LMNA: variants seen among roughly 807,000 people sequenced by gnomAD.
LMNA encodes lamin A/C, also known as lamin.
A neutral mutation model predicts 70.4 loss-of-function variants in LMNA; 20 were observed. The ratio of observed to expected loss-of-function variants is 0.28; its 90% CI spans 0.20 to 0.41. LMNA has a LOEUF of 0.41. Ranked by LOEUF, LMNA falls within the 10% of genes least tolerant of loss-of-function variation. LMNA has a pLI of 1.00. For synonymous variants in LMNA, 339 were observed against 372.8 expected, an observed-to-expected ratio of 0.91 and a Z score of 1.04; for missense variants, 652 against 917.2, an observed-to-expected ratio of 0.71 and a Z score of 3.73.
chr1:156,082,822 G>A (rs1300367703), intron 1 of LMNA: 1 of 150,890 alleles, frequency 6.6e-6, no homozygotes, highest in Non-Finnish European at 1.5e-5. Flanking sequence ...AATGAGGAGG[G>A]GGGGCCGGGG....
intron 1 of LMNA, among the ~76,000 whole-genome samples, chr1:156,121,046 CTT>C (rs57371677): frequency 0.04 from 4,012 of 99,960 alleles, 52 homozygotes; most frequent in African/African-American, 0.11. Flanking sequence ...CAAATCCATT[CTT>C]TTTTTTTTTT....
Position 156,135,680 on chromosome 1 carries a change from C to G in LMNA, c.937-221C>G. On this transcript the variant is annotated intron_variant, in intron 5 of 11. Transcript: ENST00000368300. The surrounding 1 kb of genome is among the most constrained non-coding windows in gnomAD (Gnocchi z 4.8). ...CAGGAGAAAAAGTCTAGCCTCAGAA[C>G]GAGAGGTTTCAGTTAGACAAGGGGA... The G allele has an allele frequency of 1.7e-6, 1 of 603,668 alleles. No homozygotes were observed. The highest frequency in any genetic ancestry group is 2.9e-6 in the Non-Finnish European group (1 of 341,326). The allele number at this position is 603,668 out of a possible 1,614,324, so 37.4% of individuals were successfully genotyped here.
At position 156,135,506 on chromosome 1, in the gene LMNA, T is replaced by G; in HGVS notation, c.936+194T>G. 2.9e-6 allele frequency: 2 copies of G among 697,398 alleles called. No individual in the cohort carries two copies. Among genetic ancestry groups the G allele is most frequent in the East Asian group, 2.7e-5 (1 of 36,404 alleles). The allele number at this position is 697,398 out of a possible 1,614,324, so 43.2% of individuals were successfully genotyped here. Reference sequence around the variant, plus strand: ...GCCTGTGTGCTGTTTCTGTACACTCTTACCTCACCTTCACTTCTCAGGGCT... The same window carrying G: ...GCCTGTGTGCTGTTTCTGTACACTCGTACCTCACCTTCACTTCTCAGGGCT... On this transcript the variant is annotated intron_variant, in intron 5 of 11. Coordinates refer to ENST00000368300, the MANE Select transcript of LMNA (RefSeq NM_170707.4). The surrounding 1 kb of genome is among the most constrained non-coding windows in gnomAD (Gnocchi z 4.8).
At chr1:156,113,465 C>T (rs1278170879), upstream of LMNA, among the ~76,000 whole-genome samples, 6 of 152,224 alleles carry the variant, frequency 3.9e-5, no homozygotes, top group East Asian at 1.2e-3. Flanking sequence ...GGTAGCGAAC[C>T]CTGGGGACCT....
chr1:156,126,783 C>T (rs538673864), intron 1 of LMNA: 43 of 1,600,512 alleles, frequency 2.7e-5, no homozygotes, highest in South Asian at 1.1e-4. Context: ...CAGCCCTTCT[C>T]GCCTCAAGAG....
upstream of LMNA, among the ~76,000 whole-genome samples, chr1:156,111,919 A>G (rs1049808852): frequency 2.6e-5 from 4 of 152,222 alleles, no homozygotes. Context: ...TGGGTTGGTG[A>G]TTTTTGCCCT....
intron 1 of LMNA, among the ~76,000 whole-genome samples, chr1:156,125,543 G>A (rs1323423630): frequency 6.6e-6 from 1 of 150,694 alleles, no homozygotes; most frequent in Non-Finnish European, 1.5e-5. Flanking sequence ...CCAAAAATTA[G>A]CTGGGTGTGG....
chr1:156,083,238 G>A (rs1648338630), intron 2 of LMNA: 1 of 152,526 alleles, frequency 6.6e-6, no homozygotes, highest in South Asian at 2.1e-4. Context: ...GGGCGGTGGA[G>A]TGATGAAGTG....
chr1:156,115,386 G>GCCATAGTCTCCTCCCTC lies in LMNA; in HGVS notation c.356+115_356+131dup. 2.1e-6 allele frequency: 2 copies of GCCATAGTCTCCTCCCTC among 964,658 alleles called. No individual in the cohort carries two copies. Among genetic ancestry groups the GCCATAGTCTCCTCCCTC allele is most frequent in the Non-Finnish European group, 3.2e-6 (2 of 627,710 alleles). The allele number at this position is 964,658 out of a possible 1,614,324, so 59.8% of individuals were successfully genotyped here. A position where few individuals can be genotyped will look rare whatever the true frequency, so the allele number is the denominator to read the frequency against. The stretch of plus-strand genomic sequence containing the variant: ...AGAGGGCCTGGAGGCCGATAACTTT[G>GCCATAGTCTCCTCCCTC]CCATAGTCTCCTCCCTCCCCGGAAC... On this transcript the variant is annotated intron_variant, in intron 1 of 11. Transcript: ENST00000368300. The surrounding 1 kb of genome is among the most constrained non-coding windows in gnomAD (Gnocchi z 5.8).
rs2102801407 is a variant in LMNA, at chr1:156,103,448, G to A, written c.-206-11265G>A. ...GGACTCCTCTAACAGCTGTGGGGAG[G>A]GTGCCAGGATCCCCATTTTGCATAC... On this transcript the variant is annotated intron_variant, in intron 3 of 12. Coordinates refer to the LMNA transcript ENST00000368301. This position sits in a 1 kb window ranked among gnomAD's most constrained non-coding sequence, Gnocchi z 4.7. Among the ~76,000 whole-genome samples the A allele has an allele frequency of 1.3e-5, 2 of 152,228 alleles. No individual in the cohort carries two copies. Among genetic ancestry groups the A allele is most frequent in the South Asian group, 4.2e-4 (2 of 4,818 alleles).
rs910341301 is a variant in LMNA at position 156,133,975 on chromosome 1, T to A, written c.514-428T>A. Among the ~76,000 whole-genome samples the A allele has an allele frequency of 2.6e-5, 4 of 152,288 alleles. No homozygotes were observed. The East Asian group carries it at 5.8e-4, about 22-fold the overall frequency. ...TTTGCACATACCTCCTTTATAGCAG[T>A]TGCTATGTTGTGCCAGAGAAGGGAG... On this transcript the variant is annotated intron_variant, in intron 2 of 11. Coordinates refer to ENST00000368300, the MANE Select transcript of LMNA (RefSeq NM_170707.4).
chr1:156,130,484 A>T, intron 1 of LMNA, 133 bp from the exon 2 acceptor site: 1 of 993,078 alleles, frequency 1.0e-6, no homozygotes, highest in Non-Finnish European at 1.6e-6. Context: ...AAACCAACCT[A>T]ATGCAAGGAT....
rs778763506 is a variant in LMNA, at chr1:156,134,533, G to C, written c.639+5G>C. 1 of 1,613,862 alleles carries C rather than the reference G, an allele frequency of 6.2e-7. No homozygotes were observed. The highest frequency in any genetic ancestry group is 1.7e-5 in the Admixed American group (1 of 60,020). Reference sequence around the variant, plus strand: ...CAGAAGAACATCTACAGTGAGGTGGGGACTGTGCTTTGCAAGCCAGAGGGC... The same window carrying C: ...CAGAAGAACATCTACAGTGAGGTGGCGACTGTGCTTTGCAAGCCAGAGGGC... On this transcript the variant is annotated splice_donor_5th_base_variant and intron_variant, in intron 3 of 11. Transcript: ENST00000368300. The surrounding 1 kb of genome is among the most constrained non-coding windows in gnomAD (Gnocchi z 5.3).
At chr1:156,119,716 G>A (rs1427231684) in intron 1 of LMNA, among the ~76,000 whole-genome samples, 1 of 152,192 alleles carries the variant, frequency 6.6e-6, no homozygotes, top group African/African-American at 2.4e-5. Context: ...CTGGGTGGAT[G>A]ACTCAGATGC....
In LMNA at chr1:156,138,219, T is replaced by TC; in HGVS notation, c.1699-268dup. ...TTGCTCCCGTTCTCTCTTCTTTTCC[T>TC]CTTAAGCTCAGAGTAGCTAGAACAG... is the stretch of plus-strand genomic sequence containing the variant. On this transcript the variant is annotated intron_variant, in intron 10 of 11. Coordinates refer to ENST00000368300, the MANE Select transcript of LMNA (RefSeq NM_170707.4). This position sits in a 1 kb window ranked among gnomAD's most constrained non-coding sequence, Gnocchi z 5.5. 1 of 582,128 alleles carries TC rather than the reference T, an allele frequency of 1.7e-6. No individual in the cohort carries two copies. Among genetic ancestry groups the TC allele is most frequent in the Non-Finnish European group, 3.1e-6 (1 of 326,792 alleles). The allele number at this position is 582,128 out of a possible 1,614,324, so 36.1% of individuals were successfully genotyped here.
rs934804330 is a variant in LMNA at position 156,115,353 on chromosome 1, A to C, written c.356+79A>C. On this transcript the variant is annotated intron_variant, in intron 1 of 11. Transcript: ENST00000368300. This position sits in a 1 kb window ranked among gnomAD's most constrained non-coding sequence, Gnocchi z 5.8. ...CCGGCGCCCCTGGCCGGCCGCAGGA[A>C]GGGAGTGAGAGGGCCTGGAGGCCGA... 1.6e-6 allele frequency: 2 copies of C among 1,259,142 alleles called. No homozygotes were observed. Among genetic ancestry groups the C allele is most frequent in the Non-Finnish European group, 2.2e-6 (2 of 893,238 alleles). 78.0% of individuals were successfully genotyped at this position (1,259,142 alleles called of 1,614,324 possible). A position where few individuals can be genotyped will look rare whatever the true frequency, so the allele number is the denominator to read the frequency against.
chr1:156,086,393 A>ACACTCTCT (rs1553259432), intron 2 of LMNA, among the ~76,000 whole-genome samples: 4 of 146,298 alleles, frequency 2.7e-5, no homozygotes, highest in East Asian at 4.1e-4. Flanking sequence ...GTGACCTCTG[A>ACACTCTCT]CTCTCTCTCT....
intron 1 of LMNA, among the ~76,000 whole-genome samples, chr1:156,127,604 C>T (rs1158070689): frequency 1.3e-5 from 2 of 149,530 alleles, no homozygotes; most frequent in African/African-American, 2.5e-5. Context: ...CTGCAACCTC[C>T]GCCTCCCAAG....
intron 3 of LMNA, among the ~76,000 whole-genome samples, chr1:156,096,506 T>C (rs1358654901): frequency 6.6e-6 from 1 of 152,250 alleles, no homozygotes; most frequent in East Asian, 1.9e-4. Context: ...AGCTTAATCA[T>C]CCCTTCCTCA....
Sources: allele counts gnomAD v4.1 joint callset (sites outside exome capture counted in the v4.1 genomes callset), GRCh38; gene constraint gnomAD v4.1.1; non-coding constraint Gnocchi (gnomAD v3.1); transcripts MANE v1.5; gene names NCBI Gene and HGNC (gene_info 2026-07-23, HGNC 2026-07-21).